SHROOM1: variants seen among roughly 807,000 people sequenced by gnomAD.
SHROOM1 encodes protein Shroom1.
A neutral mutation model predicts 64.2 loss-of-function variants in SHROOM1; 53 were observed. The observed-to-expected ratio is 0.83, with a 90% CI of 0.66 to 1.04. The LOEUF is 1.04. SHROOM1 is among the 50% of genes least tolerant of loss of function. The pLI, the probability that SHROOM1 is intolerant of heterozygous loss-of-function variation, is 0.00. For synonymous variants in SHROOM1, 490 were observed against 518.9 expected, an observed-to-expected ratio of 0.94 and a Z score of 0.76; for missense variants, 1,179 against 1,163.2, an observed-to-expected ratio of 1.01 and a Z score of -0.20.
At position 132,830,383 on chromosome 5, in the gene SHROOM1, C is replaced by T. The variant is rs1758809391; in HGVS notation, c.-501+211G>A. 3 of 984,968 alleles carry T rather than the reference C, an allele frequency of 3.0e-6. No homozygotes were observed. Among genetic ancestry groups the T allele is most frequent in the Non-Finnish European group, 3.6e-6 (3 of 829,804 alleles). 61.0% of individuals were successfully genotyped at this position (984,968 alleles called of 1,614,324 possible). ...GCCGCCTCTCCGCCCTGCAGCTCTG[C>T]AGCTGGGAGAGGCGCGCTGGGGTCC... On this transcript the variant is annotated intron_variant, in intron 1 of 9. Transcript: ENST00000378679. This position sits in a 1 kb window ranked among gnomAD's most constrained non-coding sequence, Gnocchi z 5.9.
In SHROOM1 at chr5:132,830,070, G is replaced by A; in HGVS notation, c.-501+524C>T. The A allele has an allele frequency of 1.0e-6, 1 of 985,368 alleles. No individual in the cohort carries two copies. 61.0% of individuals were successfully genotyped at this position (985,368 alleles called of 1,614,324 possible). On this transcript the variant is annotated intron_variant, in intron 1 of 9. Coordinates refer to ENST00000378679, the MANE Select transcript of SHROOM1 (RefSeq NM_001172700.2). The surrounding 1 kb of genome is among the most constrained non-coding windows in gnomAD (Gnocchi z 5.9). Reference sequence around the variant, plus strand: ...TGGGAGCCGAGGCACGGGAGGGAGAGAGGCGCAGGCCCCGGCGGCCGCAGG... The same window carrying A: ...TGGGAGCCGAGGCACGGGAGGGAGAAAGGCGCAGGCCCCGGCGGCCGCAGG...
In SHROOM1 at chr5:132,826,199, G is replaced by A; in HGVS notation, c.-42-17C>T. On this transcript the variant is annotated splice_polypyrimidine_tract_variant and intron_variant, in intron 3 of 9. Transcript: ENST00000378679. ...GCGTGGGTCCTGGGAAAACACAGAT[G>A]TGGTGCCGGGTGAGGAGCTCCGGGT... The A allele has an allele frequency of 7.8e-7, 1 of 1,274,912 alleles. No homozygotes were observed. The highest frequency in any genetic ancestry group is 9.9e-7 in the Non-Finnish European group (1 of 1,010,922). 79.0% of individuals were successfully genotyped at this position (1,274,912 alleles called of 1,614,324 possible).
At position 132,823,917 on chromosome 5, in the gene SHROOM1, C is replaced by A. The variant is rs760658590; in HGVS notation, c.1744G>T (p.Val582Phe). ...LLDGLIPLAE[V>F]RAAMRPACGE... Reference sequence around the variant, plus strand: ...CAGGCAGGCCGCATTGCAGCCCGGACCTCTGCTAAAGGAATCAGTCCATCC... The same window carrying A: ...CAGGCAGGCCGCATTGCAGCCCGGAACTCTGCTAAAGGAATCAGTCCATCC... The change falls in exon 7 of 10, where the codon GTC (valine) becomes TTC (phenylalanine). Residue 582 changes from valine to phenylalanine, a missense_variant. By Grantham distance (50) the Val-to-Phe change is conservative. Coordinates refer to ENST00000378679, the MANE Select transcript of SHROOM1 (RefSeq NM_001172700.2). The surrounding 1 kb of genome is among the most constrained non-coding windows in gnomAD (Gnocchi z 4.6). 4 of 1,558,570 alleles carry A rather than the reference C, an allele frequency of 2.6e-6. No individual in the cohort carries two copies. The highest frequency in any genetic ancestry group is 3.5e-6 in the Non-Finnish European group (4 of 1,154,900).
rs535629880 is a variant in SHROOM1 at position 132,830,488 on chromosome 5, C to T, written c.-501+106G>A. On this transcript the variant is annotated intron_variant, in intron 1 of 9. Transcript: ENST00000378679. This position sits in a 1 kb window ranked among gnomAD's most constrained non-coding sequence, Gnocchi z 5.9. Reference sequence around the variant, plus strand: ...GATGCCCGGGCTGCCCCGCGACCACCGCCTCGCCGCCCGCTCTTCACCCCC... The same window carrying T: ...GATGCCCGGGCTGCCCCGCGACCACTGCCTCGCCGCCCGCTCTTCACCCCC... 6 of 985,302 alleles carry T rather than the reference C, an allele frequency of 6.1e-6. No individual in the cohort carries two copies. Among genetic ancestry groups the T allele is most frequent in the Admixed American group, 6.2e-5 (1 of 16,238 alleles). The allele number at this position is 985,302 out of a possible 1,614,324, so 61.0% of individuals were successfully genotyped here.
intron 1 of SHROOM1, chr5:132,829,540 C>T: frequency 1.0e-6 from 1 of 975,474 alleles, no homozygotes; most frequent in Non-Finnish European, 1.2e-6. Context: ...GTAAGGCGAC[C>T]GAGGAGGCAC....
chr5:132,824,017 C>T lies in SHROOM1; in HGVS notation c.1644G>A (p.Glu548=). 1.2e-6 allele frequency: 2 copies of T among 1,606,792 alleles called. No homozygotes were observed. The highest frequency in any genetic ancestry group is 1.7e-6 in the Non-Finnish European group (2 of 1,176,150). Residue 548 remains glutamate (E), a synonymous_variant, in exon 7 of 10, where the codon GAG becomes GAA. Coordinates refer to ENST00000378679, the MANE Select transcript of SHROOM1 (RefSeq NM_001172700.2). ...PSQCLEELVQ[E]LARLDPSLCD... ...ATAGAGAGGGATCTAATCTGGCCAG[C>T]TCCTGAACCAGCTCCTCGAGGCACT...
chr5:132,824,695 A>T lies in SHROOM1; in HGVS notation c.1161T>A (p.Asp387Glu). Residue 387 changes from aspartate (D) to glutamate (E), a missense_variant, in exon 6 of 10, where the codon GAT (aspartate) becomes GAA (glutamate). Coordinates refer to ENST00000378679, the MANE Select transcript of SHROOM1 (RefSeq NM_001172700.2). The stretch of plus-strand genomic sequence containing the variant: ...GTGGGGCCTCTTCTAGGAACACTTC[A>T]TCAGGAAGGGAGGGGAGCCAGGCAG... The part of the protein sequence containing the change: ...IVPAWLPSLP[D>E]EVFLEEAPLV... 1 of 1,614,048 alleles carries T rather than the reference A, an allele frequency of 6.2e-7. No homozygotes were observed. Among genetic ancestry groups the T allele is most frequent in the Non-Finnish European group, 8.5e-7 (1 of 1,180,002 alleles).
At position 132,826,067 on chromosome 5, in the gene SHROOM1, A is replaced by C; in HGVS notation, c.74T>G (p.Leu25Arg). 1 of 1,453,090 alleles carries C rather than the reference A, an allele frequency of 6.9e-7. No individual in the cohort carries two copies. The allele number at this position is 1,453,090 out of a possible 1,614,324, so 90.0% of individuals were successfully genotyped here. The change falls in exon 4 of 10, where the codon CTG (leucine) becomes CGG (arginine). Residue 25 changes from leucine (L) to arginine (R), a missense_variant. Physicochemically the swap from Leu to Arg is moderately radical, Grantham distance 102. Coordinates refer to ENST00000378679, the MANE Select transcript of SHROOM1 (RefSeq NM_001172700.2). ...GTAGGCCGAGTCCGCGCGCATGGAC[A>C]GATGCCACAGGTCCAGGCTGCTAGT... ...SSTSSLDLWH[L>R]SMRADSAYSS...
Position 132,830,008 on chromosome 5 carries a change from G to A in SHROOM1, c.-501+586C>T. 24 of 985,434 alleles carry A rather than the reference G, an allele frequency of 2.4e-5. No homozygotes were observed. Among genetic ancestry groups the A allele is most frequent in the Non-Finnish European group, 2.9e-5 (24 of 829,914 alleles). The allele number at this position is 985,434 out of a possible 1,614,324, so 61.0% of individuals were successfully genotyped here. A position where few individuals can be genotyped will look rare whatever the true frequency, so the allele number is the denominator to read the frequency against. The stretch of plus-strand genomic sequence containing the variant: ...GCGACACCCGGGGAGAGGCGGCCGC[G>A]GGCGTGGACAGACCCGGTTACCTGG... On this transcript the variant is annotated intron_variant, in intron 1 of 9. Coordinates refer to ENST00000378679, the MANE Select transcript of SHROOM1 (RefSeq NM_001172700.2). This position sits in a 1 kb window ranked among gnomAD's most constrained non-coding sequence, Gnocchi z 5.9.
chr5:132,823,540 G>A lies in SHROOM1; in HGVS notation c.1954-18C>T. The A allele has an allele frequency of 6.3e-7, 1 of 1,586,716 alleles. No homozygotes were observed. The highest frequency in any genetic ancestry group is 1.1e-5 in the South Asian group (1 of 88,372). On this transcript the variant is annotated intron_variant, in intron 8 of 9. Coordinates refer to ENST00000378679, the MANE Select transcript of SHROOM1 (RefSeq NM_001172700.2). The surrounding 1 kb of genome is among the most constrained non-coding windows in gnomAD (Gnocchi z 4.6). Reference sequence around the variant, plus strand: ...AGCTCCACCTACAGGGAAGGCTCAAGGCTGGGGCCAGGCTCATGACTTCCC... The same window carrying A: ...AGCTCCACCTACAGGGAAGGCTCAAAGCTGGGGCCAGGCTCATGACTTCCC...
rs772751712 is a variant in SHROOM1, at chr5:132,822,849, G to A, written c.2506C>T (p.Pro836Ser). ...TGAACTGGAGGACAGGTCCCTGGGG[G>A]CCGCGCCGGGCTGGGAGACGGGGCA... ...HHAPSPSPAR[P>S]PGTCPPVQPP... Residue 836 changes from proline (P) to serine (S), a missense_variant, in exon 10 of 10, where the codon CCC becomes TCC. Pro to Ser is a moderately conservative substitution (Grantham distance 74). Coordinates refer to ENST00000378679, the MANE Select transcript of SHROOM1 (RefSeq NM_001172700.2). 3.7e-6 allele frequency: 6 copies of A among 1,612,970 alleles called. No individual in the cohort carries two copies. In the Admixed American group the frequency reaches 6.7e-5, roughly 18 times the overall value.
At position 132,826,303 on chromosome 5, in the gene SHROOM1, C is replaced by G. The variant is rs115058427; in HGVS notation, c.-69G>C. 522 of 1,239,898 alleles carry G rather than the reference C, an allele frequency of 4.2e-4. 4 individuals are homozygous for G. In the African/African-American group the frequency reaches 7.6e-3, roughly 18 times the overall value. 76.8% of individuals were successfully genotyped at this position (1,239,898 alleles called of 1,614,324 possible). A position where few individuals can be genotyped will look rare whatever the true frequency, so the allele number is the denominator to read the frequency against. On this transcript the variant is annotated 5_prime_UTR_variant, in exon 3 of 10. Coordinates refer to ENST00000378679, the MANE Select transcript of SHROOM1 (RefSeq NM_001172700.2). ...CTTCCCCTCCCTGGTCACACCGTCA[C>G]AAGCGCTGGCATCCCCCAGATTTTG...
chr5:132,828,868 G>A (rs1758773902), intron 1 of SHROOM1, among the ~76,000 whole-genome samples: 1 of 152,230 alleles, frequency 6.6e-6, no homozygotes, highest in Non-Finnish European at 1.5e-5. Context: ...ACCATGCCAA[G>A]AGGGCCCAGC....
rs1238103206 is a variant in SHROOM1, at chr5:132,825,044, T to C, written c.1008A>G (p.Arg336=). 1.9e-6 allele frequency: 3 copies of C among 1,614,030 alleles called. No homozygotes were observed. The East Asian group carries it at 6.7e-5, about 36-fold the overall frequency. Residue 336 remains arginine (R), a synonymous_variant, in exon 5 of 10, where the codon AGA becomes AGG. Transcript: ENST00000378679. This position sits in a 1 kb window ranked among gnomAD's most constrained non-coding sequence, Gnocchi z 5.1. Reference sequence around the variant, plus strand: ...TGGAAAGTTTGGTCTGAAACAATGGTCTGGGGGTTTCTGCTCCTTGGGGAA... The same window carrying C: ...TGGAAAGTTTGGTCTGAAACAATGGCCTGGGGGTTTCTGCTCCTTGGGGAA... ...QAVPQGAETP[R]PLFQTKLSRF...
rs1646953629 is a variant in SHROOM1, at chr5:132,824,013, C to A, written c.1648G>T (p.Ala550Ser). 6.2e-7 allele frequency: 1 copy of A among 1,606,324 alleles called. No individual in the cohort carries two copies. The highest frequency in any genetic ancestry group is 1.7e-5 in the Admixed American group (1 of 59,618). The change falls in exon 7 of 10, where the codon GCC becomes TCC. Residue 550 changes from alanine (A) to serine (S), a missense_variant. By Grantham distance (99) the Ala-to-Ser change is moderately conservative. Transcript: ENST00000378679. ...TCACATAGAGAGGGATCTAATCTGGCCAGCTCCTGAACCAGCTCCTCGAGG... is the reference window on the plus strand; with the variant it reads ...TCACATAGAGAGGGATCTAATCTGGACAGCTCCTGAACCAGCTCCTCGAGG... The part of the protein sequence containing the change: ...QCLEELVQEL[A>S]RLDPSLCDPL...
Position 132,825,369 on chromosome 5 carries a change from A to G in SHROOM1, c.772T>C (p.Leu258=), listed in dbSNP as rs1758637625. The change falls in exon 4 of 10, where the codon TTG becomes CTG. Residue 258 remains leucine (L), a synonymous_variant. Coordinates refer to ENST00000378679, the MANE Select transcript of SHROOM1 (RefSeq NM_001172700.2). This position sits in a 1 kb window ranked among gnomAD's most constrained non-coding sequence, Gnocchi z 5.1. ...SSSGLPGPEP[L]EFQHPALAKF... ...GCCAGCGCCGGATGCTGGAACTCCA[A>G]GGGCTCGGGCCCAGGGAGGCCAGAG... The G allele has an allele frequency of 1.9e-6, 3 of 1,598,626 alleles. No individual in the cohort carries two copies. Among genetic ancestry groups the G allele is most frequent in the Non-Finnish European group, 2.5e-6 (3 of 1,178,892 alleles).
Position 132,826,125 on chromosome 5 carries a change from G to C in SHROOM1, c.16C>G (p.Pro6Ala), listed in dbSNP as rs767480742. Residue 6 changes from proline (P) to alanine (A), a missense_variant, in exon 4 of 10, where the codon CCT (proline) becomes GCT (alanine). Coordinates refer to ENST00000378679, the MANE Select transcript of SHROOM1 (RefSeq NM_001172700.2). Reference protein sequence around the residue: MEALGPGGDRASPASS... With the variant: MEALGAGGDRASPASS... The stretch of plus-strand genomic sequence containing the variant: ...GCCGGGGAGGCGCGGTCGCCCCCAG[G>C]TCCCAGGGCCTCCATGGCTGCGCAG... 8 of 1,380,356 alleles carry C rather than the reference G, an allele frequency of 5.8e-6. No homozygotes were observed. The South Asian group carries it at 1.4e-4, about 24-fold the overall frequency. 85.5% of individuals were successfully genotyped at this position (1,380,356 alleles called of 1,614,324 possible). A position where few individuals can be genotyped will look rare whatever the true frequency, so the allele number is the denominator to read the frequency against.
At position 132,826,000 on chromosome 5, in the gene SHROOM1, C is replaced by T. The variant is rs1439768816; in HGVS notation, c.141G>A (p.Thr47=). ...GAAGGAGGTCTGTCCCCGGCGACTG[C>T]GTGCGCGGCTCGGGGCCGCCGGAGG... ...SAASGGPEPR[T]QSPGTDLLPY... The change falls in exon 4 of 10, where the codon ACG becomes ACA. Residue 47 remains threonine (T), a synonymous_variant. Coordinates refer to ENST00000378679, the MANE Select transcript of SHROOM1 (RefSeq NM_001172700.2). The surrounding 1 kb of genome is among the most constrained non-coding windows in gnomAD (Gnocchi z 5.1). 6 of 1,530,836 alleles carry T rather than the reference C, an allele frequency of 3.9e-6. No individual in the cohort carries two copies. Among genetic ancestry groups the T allele is most frequent in the Non-Finnish European group, 5.3e-6 (6 of 1,139,468 alleles). 94.8% of individuals were successfully genotyped at this position (1,530,836 alleles called of 1,614,324 possible).
At position 132,825,931 on chromosome 5, in the gene SHROOM1, C is replaced by T. The variant is rs1415252822; in HGVS notation, c.210G>A (p.Pro70=). ...WDYVRVVWGG[P]GPAPPDAALC... ...GGGCAGCGTCGGGCGGGGCGGGGCC[C>T]GGGCCGCCCCAAACCACACGCACGT... The change falls in exon 4 of 10, where the codon CCG becomes CCA. Residue 70 remains proline, a synonymous_variant. Transcript: ENST00000378679. The surrounding 1 kb of genome is among the most constrained non-coding windows in gnomAD (Gnocchi z 5.1). The T allele has an allele frequency of 6.5e-6, 9 of 1,383,144 alleles. No homozygotes were observed. Among genetic ancestry groups the T allele is most frequent in the East Asian group, 6.1e-5 (2 of 32,798 alleles). The allele number at this position is 1,383,144 out of a possible 1,614,324, so 85.7% of individuals were successfully genotyped here.
Sources: allele counts gnomAD v4.1 joint callset (sites outside exome capture counted in the v4.1 genomes callset), GRCh38; gene constraint gnomAD v4.1.1; non-coding constraint Gnocchi (gnomAD v3.1); transcripts MANE v1.5; gene names NCBI Gene and HGNC (gene_info 2026-07-23, HGNC 2026-07-21).